Variants in DCDC2 observed in about 807,000 individuals in gnomAD.
DCDC2 encodes doublecortin domain containing 2, also known as doublecortin domain-containing protein 2.
In DCDC2, 40 loss-of-function variants were observed where a neutral mutation model predicts 50.2. The observed-to-expected ratio is 0.80, with a 90% CI of 0.62 to 1.04. The LOEUF (loss-of-function observed/expected upper bound fraction) is 1.04. DCDC2 is among the 50% of genes least tolerant of loss of function. The probability of loss-of-function intolerance (pLI) is 0.00; values close to 1 mark genes in which losing one functional copy is unlikely to be tolerated. For missense variants in DCDC2, 570 were observed against 581.9 expected (o/e 0.98, Z 0.21); for synonymous variants, 234 against 210.6 (o/e 1.11, Z -0.96).
intron 7 of DCDC2, among the ~76,000 whole-genome samples, chr6:24,240,807 T>G (rs1762548519): frequency 6.6e-6 from 1 of 152,172 alleles, no homozygotes; most frequent in African/African-American, 2.4e-5. Flanking sequence ...GTTTAGGCTA[T>G]CGTAACACTT....
chr6:24,189,044 C>T (rs531926627), intron 8 of DCDC2, among the ~76,000 whole-genome samples: 2 of 152,156 alleles, frequency 1.3e-5, no homozygotes, highest in African/African-American at 2.4e-5. Context: ...TAAGTAATTG[C>T]TCGTAATATT....
intron 2 of DCDC2, among the ~76,000 whole-genome samples, chr6:24,309,449 T>A (rs1281782978): frequency 6.6e-6 from 1 of 152,072 alleles, no homozygotes; most frequent in African/African-American, 2.4e-5. Flanking sequence ...CCATTAAAGA[T>A]AAATGGAATT....
chr6:24,291,766 T>TGAGC (rs1285339450), intron 4 of DCDC2, among the ~76,000 whole-genome samples: 1 of 152,168 alleles, frequency 6.6e-6, no homozygotes, highest in Non-Finnish European at 1.5e-5. Context: ...ATTACAGGCA[T>TGAGC]GAGCCACCGC....
intron 8 of DCDC2, among the ~76,000 whole-genome samples, chr6:24,190,960 A>G (rs1364030859): frequency 6.6e-6 from 1 of 152,160 alleles, no homozygotes; most frequent in Non-Finnish European, 1.5e-5. Flanking sequence ...TTTAAGATGT[A>G]CAGGGAGAGG....
chr6:24,218,015 C>T (rs1397571377), intron 7 of DCDC2, among the ~76,000 whole-genome samples: 1 of 152,210 alleles, frequency 6.6e-6, no homozygotes, highest in Non-Finnish European at 1.5e-5. Context: ...TTTATTTAAA[C>T]AGCCTAACAT....
intron 7 of DCDC2, among the ~76,000 whole-genome samples, chr6:24,243,624 T>C (rs1047950119): frequency 6.6e-6 from 1 of 152,192 alleles, no homozygotes. Flanking sequence ...TGGCAGCTTA[T>C]ATGGAGCTGA....
chr6:24,355,918 A>C (rs951454196), intron 1 of DCDC2, among the ~76,000 whole-genome samples: 2 of 152,180 alleles, frequency 1.3e-5, no homozygotes, highest in African/African-American at 4.8e-5. Context: ...TTTAATTATT[A>C]AGAATCCAAT....
intron 7 of DCDC2, among the ~76,000 whole-genome samples, chr6:24,221,497 A>C (rs888386634): frequency 3.9e-5 from 6 of 152,166 alleles, no homozygotes; most frequent in Non-Finnish European, 2.9e-5. Flanking sequence ...CTGTACCCTA[A>C]CAGTACCACA....
In DCDC2 at chr6:24,302,004, C is replaced by A; in HGVS notation, c.389G>T (p.Arg130Leu). 1 of 1,613,952 alleles carries A rather than the reference C, an allele frequency of 6.2e-7. No individual in the cohort carries two copies. The highest frequency in any genetic ancestry group is 1.1e-5 in the South Asian group (1 of 91,076). Reference sequence around the variant, plus strand: ...CGGCTCCTGAAGCGGTTTTCTAAAGCGAGCTGACACGTTGATCCTGCTATG... The same window carrying A: ...CGGCTCCTGAAGCGGTTTTCTAAAGAGAGCTGACACGTTGATCCTGCTATG... ...VIHSRINVSARFRKPLQEPCT... is the reference protein window; with the variant it reads ...VIHSRINVSALFRKPLQEPCT... Residue 130 changes from arginine (R) to leucine (L), a missense_variant, in exon 3 of 10, where the codon CGC becomes CTC. By Grantham distance (102) the Arg-to-Leu change is moderately radical. Coordinates refer to ENST00000378454, the MANE Select transcript of DCDC2 (RefSeq NM_016356.5).
intron 7 of DCDC2, among the ~76,000 whole-genome samples, chr6:24,244,196 G>A (rs1581607850): frequency 2.6e-5 from 4 of 152,088 alleles, no homozygotes; most frequent in East Asian, 1.9e-4. Context: ...ACTATGCAGC[G>A]ACTCATACTT....
chr6:24,278,075 T>C lies in DCDC2; in HGVS notation c.896A>G (p.Asn299Ser), dbSNP rs753533030. ...TKLKQNVKLKNSQETIPNSDE... is the reference protein window; with the variant it reads ...TKLKQNVKLKSSQETIPNSDE... ...ACTATTTGGAATGGTTTCTTGTGAA[T>C]TCTTTAATTTTACATTTTGTTTCAA... Residue 299 changes from asparagine (N) to serine (S), a missense_variant, in exon 7 of 10, where the codon AAT becomes AGT. Physicochemically the swap from Asn to Ser is conservative, Grantham distance 46. Coordinates refer to ENST00000378454, the MANE Select transcript of DCDC2 (RefSeq NM_016356.5). 6.2e-7 allele frequency: 1 copy of C among 1,612,554 alleles called. No homozygotes were observed. Among genetic ancestry groups the C allele is most frequent in the African/African-American group, 1.3e-5 (1 of 74,958 alleles).
At chr6:24,363,521 A>G in the DCDC2 span, among the ~76,000 whole-genome samples, 1 of 152,148 alleles carries the variant, frequency 6.6e-6, no homozygotes, top group Non-Finnish European at 1.5e-5. Context: ...AAAGAAAAAT[A>G]ATAATACCAA....
the DCDC2 span, among the ~76,000 whole-genome samples, chr6:24,374,049 C>T: frequency 6.1e-4 from 93 of 151,692 alleles, 1 homozygote; most frequent in East Asian, 0.017. Flanking sequence ...GTAGTTCCAG[C>T]TACTCGGGAG....
chr6:24,290,028 C>G (rs1440668037), intron 5 of DCDC2, among the ~76,000 whole-genome samples: 1 of 112,564 alleles, frequency 8.9e-6, no homozygotes, highest in African/African-American at 3.3e-5. Context: ...GAGTCTCGCT[C>G]TGTCGCCCAG....
chr6:24,281,487 GAAAAAAAA>G (rs59842458), intron 6 of DCDC2, among the ~76,000 whole-genome samples: 3 of 83,730 alleles, frequency 3.6e-5, no homozygotes, highest in Admixed American at 1.6e-4. Flanking sequence ...ATGCTTTTAA[GAAAAAAAA>G]AAAAAAAAAA....
rs536823024 is a variant in DCDC2, at chr6:24,298,298, C to A, written c.557+3417G>T. Among the ~76,000 whole-genome samples, 10 of 152,314 alleles carry A rather than the reference C, an allele frequency of 6.6e-5. No homozygotes were observed. The East Asian group carries it at 1.7e-3, about 26-fold the overall frequency. Reference sequence around the variant, plus strand: ...GTGCAGTCGGGTTCCTAACAGGCCACGGAATGGTACCAGTCCATGGCCTGG... The same window carrying A: ...GTGCAGTCGGGTTCCTAACAGGCCAAGGAATGGTACCAGTCCATGGCCTGG... On this transcript the variant is annotated intron_variant, in intron 4 of 9. Transcript: ENST00000378454.
intron 7 of DCDC2, among the ~76,000 whole-genome samples, chr6:24,220,879 A>AGGGCGAGAGAGTGAGCGAGC (rs1554146328): frequency 9.3e-6 from 1 of 106,978 alleles, no homozygotes; most frequent in Non-Finnish European, 1.8e-5. Flanking sequence ...CAAGAGAGCG[A>AGGGCGAGAGAGTGAGCGAGC]GAGCGAGAGA....
the DCDC2 span, among the ~76,000 whole-genome samples, chr6:24,366,447 G>T: frequency 6.6e-6 from 1 of 152,332 alleles, no homozygotes; most frequent in African/African-American, 2.4e-5. Context: ...TAGAGGCCGA[G>T]ATGAAGGAAA....
At chr6:24,360,514 A>G (rs989642352), upstream of DCDC2, among the ~76,000 whole-genome samples, 3 of 152,208 alleles carry the variant, frequency 2.0e-5, no homozygotes, top group East Asian at 3.8e-4. Context: ...CTATTTGTGT[A>G]GATTGTTAGC....
Sources: gnomAD v4.1 joint callset for allele counts (sites outside exome capture counted in the v4.1 genomes callset) on GRCh38, gnomAD v4.1.1 for gene constraint, MANE v1.5 for transcripts, NCBI Gene and HGNC (gene_info 2026-07-23, HGNC 2026-07-21) for gene names.